IL31RA: variants seen among roughly 807,000 people sequenced by gnomAD.
IL31RA encodes interleukin 31 receptor A.
A neutral mutation model predicts 83.7 loss-of-function variants in IL31RA; 66 were observed. The observed-to-expected ratio is 0.79, with a 90% confidence interval of 0.65 to 0.97. IL31RA has a LOEUF of 0.97. Ranked by LOEUF, IL31RA falls within the 50% of genes least tolerant of loss-of-function variation. IL31RA has a pLI of 0.00. For synonymous variants in IL31RA, 325 were observed against 329.0 expected, an observed-to-expected ratio of 0.99 and a Z score of 0.13; for missense variants, 798 against 919.4, an observed-to-expected ratio of 0.87 and a Z score of 1.71.
At chr5:55,841,824 T>C in the IL31RA span, among the ~76,000 whole-genome samples, 1 of 151,870 alleles carries the variant, frequency 6.6e-6, no homozygotes, top group South Asian at 2.1e-4. Context: ...ACTTGGTGGC[T>C]AAAAAACCAC....
the IL31RA span, among the ~76,000 whole-genome samples, chr5:55,840,431 G>T: frequency 6.6e-6 from 1 of 152,186 alleles, no homozygotes; most frequent in Non-Finnish European, 1.5e-5. Flanking sequence ...GGTTAGTAAC[G>T]TAAGGTTTGG....
At chr5:55,840,352 C>T in the IL31RA span, among the ~76,000 whole-genome samples, 1 of 152,124 alleles carries the variant, frequency 6.6e-6, no homozygotes, top group East Asian at 1.9e-4. Context: ...CACACTACTG[C>T]CTGGAAGCCA....
chr5:55,903,503 C>T lies in IL31RA; in HGVS notation c.1070-2603C>T, dbSNP rs1235929870. Among the ~76,000 whole-genome samples the T allele has an allele frequency of 3.9e-5, 6 of 152,174 alleles. No individual in the cohort carries two copies. The highest frequency in any genetic ancestry group is 1.4e-4 in the African/African-American group (6 of 41,432). Reference sequence around the variant, plus strand: ...GTAGAGTGATGACTTGGAAATTCCCCTTTTGGCGCCCCTTGGTGTGGCCAG... The same window carrying T: ...GTAGAGTGATGACTTGGAAATTCCCTTTTTGGCGCCCCTTGGTGTGGCCAG... On this transcript the variant is annotated intron_variant, in intron 8 of 14. Transcript: ENST00000652347. This position sits in a 1 kb window ranked among gnomAD's most constrained non-coding sequence, Gnocchi z 4.7.
At chr5:55,881,833 C>A (rs1227829631) in intron 4 of IL31RA, among the ~76,000 whole-genome samples, 1 of 147,416 alleles carries the variant, frequency 6.8e-6, no homozygotes, top group East Asian at 2.0e-4. Context: ...ATTTTCCTGC[C>A]TCCTGAGTAG....
intron 6 of IL31RA, among the ~76,000 whole-genome samples, chr5:55,895,659 G>A (rs1156936826): frequency 3.3e-5 from 5 of 152,096 alleles, no homozygotes; most frequent in East Asian, 3.9e-4. Context: ...TGGCTTTTAC[G>A]TTACTCTCTG....
chr5:55,891,572 C>G (rs1039705220), intron 6 of IL31RA, among the ~76,000 whole-genome samples: 17 of 152,046 alleles, frequency 1.1e-4, no homozygotes, highest in African/African-American at 4.1e-4. Context: ...ATCATCACAT[C>G]ACCTTTCCCC....
chr5:55,919,792 GT>G lies in IL31RA; in HGVS notation c.*2674del, dbSNP rs1749997233. ...AGGTTCACAGGATGTGAGCCTCAGA[GT>G]TCAGGGCGCAGGTGACTTCCTCTCC... On this transcript the variant is annotated 3_prime_UTR_variant, in exon 15 of 15. Transcript: ENST00000652347. Among the ~76,000 whole-genome samples, 1 of 152,176 alleles carries G rather than the reference GT, an allele frequency of 6.6e-6. No homozygotes were observed. Among genetic ancestry groups the G allele is most frequent in the Admixed American group, 6.6e-5 (1 of 15,266 alleles).
At chr5:55,839,936 G>T in the IL31RA span, 2 of 673,008 alleles carry the variant, frequency 3.0e-6, no homozygotes, top group South Asian at 3.3e-5. Context: ...GCAGTCAGAA[G>T]AAACGCTGCA....
upstream of IL31RA, among the ~76,000 whole-genome samples, chr5:55,846,711 C>A (rs1230462526): frequency 2.0e-5 from 3 of 152,066 alleles, no homozygotes; most frequent in Non-Finnish European, 2.9e-5. Flanking sequence ...ACAGGAGACT[C>A]GCTTGAACCC....
At position 55,918,978 on chromosome 5, in the gene IL31RA, G is replaced by A. The variant is rs1057165042; in HGVS notation, c.*1858G>A. On this transcript the variant is annotated 3_prime_UTR_variant, in exon 15 of 15. Coordinates refer to ENST00000652347, the MANE Select transcript of IL31RA (RefSeq NM_139017.7). ...GGAAGGGACCAAACAAAAGAGATGCGTCCAATTCTCATGCCGCCCCTGATG... is the reference window on the plus strand; with the variant it reads ...GGAAGGGACCAAACAAAAGAGATGCATCCAATTCTCATGCCGCCCCTGATG... Among the ~76,000 whole-genome samples, 4 of 152,134 alleles carry A rather than the reference G, an allele frequency of 2.6e-5. No homozygotes were observed. Among genetic ancestry groups the A allele is most frequent in the Admixed American group, 2.0e-4 (3 of 15,272 alleles).
intron 4 of IL31RA, among the ~76,000 whole-genome samples, chr5:55,878,783 G>A (rs1014238891): frequency 4.6e-5 from 7 of 151,760 alleles, no homozygotes; most frequent in African/African-American, 1.7e-4. Flanking sequence ...CCTCCCAAGT[G>A]GCTGGGACTA....
In IL31RA at chr5:55,903,089, A is replaced by G. The variant is rs1047851757; in HGVS notation, c.1069+2957A>G. Among the ~76,000 whole-genome samples, 3 of 152,198 alleles carry G rather than the reference A, an allele frequency of 2.0e-5. No homozygotes were observed. Among genetic ancestry groups the G allele is most frequent in the Admixed American group, 6.5e-5 (1 of 15,276 alleles). On this transcript the variant is annotated intron_variant, in intron 8 of 14. Transcript: ENST00000652347. This position sits in a 1 kb window ranked among gnomAD's most constrained non-coding sequence, Gnocchi z 4.7. ...CGGGCCTCCACGTTCCCCTCTTGGA[A>G]TAAGGGCTTGGAATGAGGTTCCTTC...
At position 55,851,523 on chromosome 5, in the gene IL31RA, A is replaced by T. The variant is rs1745068578; in HGVS notation, c.-48A>T. ...AAAAGACATGTGTGTGCAGTATGAA[A>T]ATTGAGACAGGAAGGCAGAGTGTCA... On this transcript the variant is annotated 5_prime_UTR_variant, in exon 1 of 15. Coordinates refer to ENST00000652347, the MANE Select transcript of IL31RA (RefSeq NM_139017.7). 1 of 1,613,952 alleles carries T rather than the reference A, an allele frequency of 6.2e-7. No individual in the cohort carries two copies. Among genetic ancestry groups the T allele is most frequent in the Non-Finnish European group, 8.5e-7 (1 of 1,179,908 alleles).
chr5:55,883,116 G>T lies in IL31RA; in HGVS notation c.527G>T (p.Trp176Leu), dbSNP rs765577541. ...ATCAAACGAATGATTCAAATTGAATGGATAAAGCCTGAGTTGGCGCCTGTT... is the reference window on the plus strand; with the variant it reads ...ATCAAACGAATGATTCAAATTGAATTGATAAAGCCTGAGTTGGCGCCTGTT... ...LGIKRMIQIE[W>L]IKPELAPVSS... is the part of the protein sequence containing the mutation. Residue 176 changes from tryptophan (W) to leucine (L), a missense_variant, in exon 5 of 15, where the codon TGG becomes TTG. By Grantham distance (61) the Trp-to-Leu change is moderately conservative. Coordinates refer to ENST00000652347, the MANE Select transcript of IL31RA (RefSeq NM_139017.7). 2 of 1,613,966 alleles carry T rather than the reference G, an allele frequency of 1.2e-6. No homozygotes were observed. The highest frequency in any genetic ancestry group is 2.2e-5 in the South Asian group (2 of 91,078).
rs142585374 is a variant in IL31RA at position 55,862,868 on chromosome 5, A to G, written c.154+3269A>G. The stretch of plus-strand genomic sequence containing the variant: ...AGTACTGACAAGTATTTCTGGGTTT[A>G]GGGGGAAAAAGGCAACAGAGGTGAA... On this transcript the variant is annotated intron_variant, in intron 2 of 14. Transcript: ENST00000652347. Among the ~76,000 whole-genome samples, 474 of 152,292 alleles carry G rather than the reference A, an allele frequency of 3.1e-3. 8 individuals carry two copies. Among genetic ancestry groups the G allele is most frequent in the African/African-American group, 0.011 (445 of 41,558 alleles).
At chr5:55,880,946 T>C (rs1273065438) in intron 4 of IL31RA, among the ~76,000 whole-genome samples, 1 of 152,140 alleles carries the variant, frequency 6.6e-6, no homozygotes, top group Non-Finnish European at 1.5e-5. Context: ...AGAATTCAAC[T>C]GAGGGGCATA....
chr5:55,914,798 T>C, intron 13 of IL31RA, 49 bp from the exon 14 acceptor site: 2 of 1,314,662 alleles, frequency 1.5e-6, no homozygotes, highest in South Asian at 2.4e-5. Context: ...CATATGGTGC[T>C]AATGCTTCTT....
At chr5:55,914,386 G>A (rs1749667731) in intron 13 of IL31RA, among the ~76,000 whole-genome samples, 2 of 152,158 alleles carry the variant, frequency 1.3e-5, no homozygotes, top group Admixed American at 6.5e-5. Context: ...TGGTTCTAGG[G>A]TAAAGCCCCA....
At chr5:55,908,532 T>C (rs1252303060) in intron 11 of IL31RA, 121 bp downstream of exon 11, 2 of 1,594,576 alleles carry the variant, frequency 1.3e-6, no homozygotes, top group Non-Finnish European at 8.5e-7. Context: ...ATGAATCACT[T>C]AGCTTCTTTA....
Sources: allele counts gnomAD v4.1 joint callset (sites outside exome capture counted in the v4.1 genomes callset), GRCh38; gene constraint gnomAD v4.1.1; non-coding constraint Gnocchi (gnomAD v3.1); transcripts MANE v1.5; gene names NCBI Gene and HGNC (gene_info 2026-07-23, HGNC 2026-07-21).